The following PGM3 variants were observed in gnomAD, a reference collection of about 807,000 sequenced individuals.
The protein encoded by PGM3 is phosphoglucomutase 3.
A neutral mutation model predicts 66.2 loss-of-function variants in PGM3; 40 were observed. That is an observed-to-expected ratio of 0.60 (90% CI 0.47 to 0.79). The LOEUF (loss-of-function observed/expected upper bound fraction) is 0.79, where lower values mean the gene tolerates loss of function less well. Ranked by LOEUF, PGM3 falls within the 30% of genes least tolerant of loss-of-function variation. The pLI, the probability that PGM3 is intolerant of heterozygous loss-of-function variation, is 0.00. For synonymous variants in PGM3, 191 were observed against 224.2 expected, an observed-to-expected ratio of 0.85 and a Z score of 1.32; for missense variants, 537 against 643.4, an observed-to-expected ratio of 0.83 and a Z score of 1.79.
In PGM3 at chr6:83,176,747, G is replaced by A. The variant is rs1364321229; in HGVS notation, c.1030-687C>T. ...AAGATCAGCATTAGATTGGATGTAG[G>A]AGACCTCAGGAATGGCAAGGGCTAA... On this transcript the variant is annotated intron_variant, in intron 8 of 12. Transcript: ENST00000513973. Among the ~76,000 whole-genome samples, 3 of 152,200 alleles carry A rather than the reference G, an allele frequency of 2.0e-5. No individual in the cohort carries two copies. The East Asian group carries it at 5.8e-4, about 29-fold the overall frequency.
chr6:83,157,080 A>G, downstream of PGM3: 1 of 1,159,784 alleles, frequency 8.6e-7, no homozygotes, highest in South Asian at 1.7e-5. Flanking sequence ...TTTAAAGTTT[A>G]TCCTTTACTA....
chr6:83,171,569 C>T (rs1002864436), intron 11 of PGM3, among the ~76,000 whole-genome samples: 1 of 152,200 alleles, frequency 6.6e-6, no homozygotes, highest in Non-Finnish European at 1.5e-5. Context: ...CGGCTCACTG[C>T]AACCTCTGCC....
chr6:83,174,620 T>TA (rs1787614290), intron 9 of PGM3, 133 bp from the exon 10 acceptor site: 2 of 535,734 alleles, frequency 3.7e-6, no homozygotes, highest in East Asian at 6.6e-5. Flanking sequence ...GTGGCAGCCT[T>TA]AAAATGTATG....
chr6:83,176,146 G>T, intron 8 of PGM3, 86 bp from the exon 9 acceptor site: 1 of 771,794 alleles, frequency 1.3e-6, no homozygotes, highest in African/African-American at 1.7e-5. Flanking sequence ...GATACAAAGG[G>T]GAACAAAATA....
chr6:83,180,065 T>C (rs954581615), intron 6 of PGM3, 98 bp from the exon 7 acceptor site: 8 of 874,666 alleles, frequency 9.1e-6, no homozygotes, highest in Non-Finnish European at 1.2e-5. Context: ...AAAATCAATG[T>C]CTTAATCTTA....
the PGM3 span, among the ~76,000 whole-genome samples, chr6:83,152,908 G>A: frequency 3.3e-5 from 5 of 152,126 alleles, no homozygotes; most frequent in African/African-American, 7.2e-5. Context: ...ATGAGCCACC[G>A]CGCCCGGCCT....
intron 10 of PGM3, among the ~76,000 whole-genome samples, chr6:83,172,938 A>G (rs1316098373): frequency 1.3e-5 from 2 of 152,226 alleles, no homozygotes; most frequent in African/African-American, 4.8e-5. Context: ...GGTGGCTGAC[A>G]GAGTGACACC....
chr6:83,184,915 C>G (rs964976209), intron 4 of PGM3, among the ~76,000 whole-genome samples: 1 of 152,226 alleles, frequency 6.6e-6, no homozygotes, highest in African/African-American at 2.4e-5. Context: ...CCTCCCTACT[C>G]TCTTCTCCTA....
Position 83,165,696 on chromosome 6 carries a change from A to G in PGM3, c.*3538T>C. 1 of 224,144 alleles carries G rather than the reference A, an allele frequency of 4.5e-6. No homozygotes were observed. The highest frequency in any genetic ancestry group is 9.4e-6 in the Non-Finnish European group (1 of 106,272). 13.9% of individuals were successfully genotyped at this position (224,144 alleles called of 1,614,324 possible). A position where few individuals can be genotyped will look rare whatever the true frequency, so the allele number is the denominator to read the frequency against. On this transcript the variant is annotated 3_prime_UTR_variant, in exon 13 of 13. Transcript: ENST00000513973. ...CCTAAAGAAGTGGTAGTTTGTTGGC[A>G]AGAGGTCAGGTGAATATGGCAGATG...
At chr6:83,160,146 C>T (rs1783892294), downstream of PGM3, among the ~76,000 whole-genome samples, 1 of 152,206 alleles carries the variant, frequency 6.6e-6, no homozygotes, top group Non-Finnish European at 1.5e-5. Context: ...TATTAACAGA[C>T]TATTCAGTCA....
At chr6:83,178,896 A>G (rs1787968011) in intron 7 of PGM3, 140 bp from the exon 8 acceptor site, 2 of 633,096 alleles carry the variant, frequency 3.2e-6, no homozygotes, top group East Asian at 2.7e-5. Context: ...CTGACTGAAA[A>G]TTTACATGTA....
At position 83,178,700 on chromosome 6, in the gene PGM3, T is replaced by G; in HGVS notation, c.1002A>C (p.Ser334=). The G allele has an allele frequency of 6.2e-7, 1 of 1,605,606 alleles. No homozygotes were observed. The highest frequency in any genetic ancestry group is 8.5e-7 in the Non-Finnish European group (1 of 1,172,468). The change falls in exon 8 of 13, where the codon TCA becomes TCC. Residue 334 remains serine (S), a synonymous_variant. Coordinates refer to ENST00000513973, the MANE Select transcript of PGM3 (RefSeq NM_015599.3). Reference sequence around the variant, plus strand: ...TCATAACTTCTTCAAGATACCGTGTTGAACTTCCATTTGCATATGCAGTTT... The same window carrying G: ...TCATAACTTCTTCAAGATACCGTGTGGAACTTCCATTTGCATATGCAGTTT... ...VVQTAYANGS[S]TRYLEEVMKV...
the PGM3 span, chr6:83,151,800 A>C: frequency 6.8e-7 from 1 of 1,459,928 alleles, no homozygotes; most frequent in Non-Finnish European, 9.4e-7. Context: ...TAAAATATCT[A>C]TTATCAGAAA....
At chr6:83,149,074 A>G in the PGM3 span, among the ~76,000 whole-genome samples, 2 of 151,926 alleles carry the variant, frequency 1.3e-5, no homozygotes, top group East Asian at 3.9e-4. Context: ...GTTTATACAT[A>G]TACAAAATGT....
Position 83,172,244 on chromosome 6 carries a change from G to T in PGM3, c.1243-185C>A, listed in dbSNP as rs553303185. On this transcript the variant is annotated intron_variant, in intron 10 of 12. Coordinates refer to ENST00000513973, the MANE Select transcript of PGM3 (RefSeq NM_015599.3). ...CCTCCTGTGACAGGTCAAAATGTGG[G>T]TATACAACTGCCAGGTGTGGTGGCA... is the stretch of plus-strand genomic sequence containing the variant. Among the ~76,000 whole-genome samples the T allele has an allele frequency of 3.9e-3, 593 of 152,218 alleles. 2 individuals are homozygous for T. The highest frequency in any genetic ancestry group is 0.017 in the Middle Eastern group (5 of 294).
At chr6:83,158,470 A>G, downstream of PGM3, 5 of 949,198 alleles carry the variant, frequency 5.3e-6, no homozygotes, top group South Asian at 7.8e-5. Flanking sequence ...ATGTATTCTA[A>G]AATTTGTTTT....
chr6:83,169,797 G>A, intron 12 of PGM3: 1 of 457,514 alleles, frequency 2.2e-6, no homozygotes, highest in Non-Finnish European at 4.4e-6. Flanking sequence ...TAAGGAGTAT[G>A]TGAAGAGGCC....
chr6:83,159,887 CTCTA>C (rs1441102176), downstream of PGM3: 1 of 1,614,106 alleles, frequency 6.2e-7, no homozygotes. Flanking sequence ...GTGGTTAAAC[CTCTA>C]TCTCTCTGCT....
In PGM3 at chr6:83,182,873, G is replaced by C. The variant is rs757821755; in HGVS notation, c.563C>G (p.Ser188Cys). 35 of 1,613,902 alleles carry C rather than the reference G, an allele frequency of 2.2e-5. No homozygotes were observed. The highest frequency in any genetic ancestry group is 8.3e-5 in the Admixed American group (5 of 59,998). ...ATIEGYYQKLSKAFVELTKQA... is the reference protein window; with the variant it reads ...ATIEGYYQKLCKAFVELTKQA... ...TTTGGTGAGTTCCACAAAAGCCTTA[G>C]AGAGTTTCTGGTAGTAACCTTCTAT... The change falls in exon 5 of 13, where the codon TCT becomes TGT. Residue 188 changes from serine to cysteine, a missense_variant. Ser to Cys is a moderately radical substitution (Grantham distance 112). Transcript: ENST00000513973.
Sources: gnomAD v4.1 joint callset for allele counts (sites outside exome capture counted in the v4.1 genomes callset) on GRCh38, gnomAD v4.1.1 for gene constraint, MANE v1.5 for transcripts, NCBI Gene and HGNC (gene_info 2026-07-23, HGNC 2026-07-21) for gene names.